TMEM272: variants seen among roughly 807,000 people sequenced by gnomAD.
TMEM272 encodes transmembrane protein 272, also known as long intergenic non-protein coding RNA 282.
TMEM272 carries 8 observed loss-of-function variants against 3.7 expected under a neutral mutation model. The ratio of observed to expected loss-of-function variants is 2.17; its 90% CI spans 1.27 to 3.91. The LOEUF is 3.91. Ranked by LOEUF, TMEM272 falls within the 30% of genes most tolerant of loss-of-function variation. The pLI, the probability that TMEM272 is intolerant of heterozygous loss-of-function variation, is 0.00. For missense variants in TMEM272, 166 were observed against 91.5 expected, an observed-to-expected ratio of 1.81 and a Z score of -3.32; for synonymous variants, 63 against 39.8, an observed-to-expected ratio of 1.58 and a Z score of -2.20.
chr13:51,832,143 C>T (rs1023473990), intron 2 of TMEM272, among the ~76,000 whole-genome samples: 19 of 152,154 alleles, frequency 1.2e-4, no homozygotes, highest in Non-Finnish European at 2.8e-4. Context: ...CCTCACTCCC[C>T]TCTTGCAGTG....
chr13:51,815,265 GC>G lies in TMEM272; in HGVS notation c.*1485del, dbSNP rs1956008793. On this transcript the variant is annotated 3_prime_UTR_variant, in exon 5 of 5. Coordinates refer to ENST00000629372, the MANE Select transcript of TMEM272 (RefSeq NM_001351003.2). ...ACAGAAACTGCCCTTAGGGACAGGG[GC>G]AAAAAAAGGGCTGTTCTTCCTTTGT... 6.6e-6 allele frequency: 1 copy of G among 152,452 alleles called. No homozygotes were observed. Among genetic ancestry groups the G allele is most frequent in the Non-Finnish European group, 1.5e-5 (1 of 68,020 alleles). 9.4% of individuals were successfully genotyped at this position (152,452 alleles called of 1,614,324 possible).
chr13:51,833,307 T>G (rs1292921246), intron 2 of TMEM272, among the ~76,000 whole-genome samples: 2 of 152,176 alleles, frequency 1.3e-5, no homozygotes, highest in African/African-American at 4.8e-5. Flanking sequence ...GTATCTGGAT[T>G]TTATTAGGAA....
chr13:51,919,916 A>G, the TMEM272 span, among the ~76,000 whole-genome samples: 1 of 152,214 alleles, frequency 6.6e-6, no homozygotes, highest in Non-Finnish European at 1.5e-5. Flanking sequence ...TGCCTAGCTC[A>G]TAGTGGATTA....
In TMEM272 at chr13:51,814,891, C is replaced by A. The variant is rs1409818324; in HGVS notation, c.*1860G>T. The A allele has an allele frequency of 6.5e-6, 1 of 152,722 alleles. No individual in the cohort carries two copies. Among genetic ancestry groups the A allele is most frequent in the Non-Finnish European group, 1.5e-5 (1 of 68,124 alleles). 9.5% of individuals were successfully genotyped at this position (152,722 alleles called of 1,614,324 possible). On this transcript the variant is annotated 3_prime_UTR_variant, in exon 5 of 5. Transcript: ENST00000629372. ...AAATCTTCATGCCCATGGTTGTTCA[C>A]AGCTCTTTCCGCCTTTGCCAAGGCC...
the TMEM272 span, among the ~76,000 whole-genome samples, chr13:51,872,981 G>A: frequency 6.6e-6 from 1 of 152,204 alleles, no homozygotes; most frequent in South Asian, 2.1e-4. Flanking sequence ...GGGTAGAGGT[G>A]GCATCAGGAA....
chr13:51,889,849 C>T, the TMEM272 span, among the ~76,000 whole-genome samples: 15 of 152,278 alleles, frequency 9.9e-5, no homozygotes, highest in Middle Eastern at 6.8e-3. Context: ...CCATGTTGGT[C>T]GGGCTCATCT....
At chr13:51,858,450 T>C in the TMEM272 span, among the ~76,000 whole-genome samples, 2 of 152,114 alleles carry the variant, frequency 1.3e-5, no homozygotes, top group East Asian at 1.9e-4. Context: ...AAAAAGATAA[T>C]TGGAAAATCC....
At chr13:51,836,092 T>C (rs1319465626) in intron 2 of TMEM272, among the ~76,000 whole-genome samples, 1 of 152,316 alleles carries the variant, frequency 6.6e-6, no homozygotes, top group East Asian at 1.9e-4. Context: ...CAATCCCCAA[T>C]GCAAACGTGT....
At chr13:51,927,843 C>T in the TMEM272 span, among the ~76,000 whole-genome samples, 5 of 152,156 alleles carry the variant, frequency 3.3e-5, no homozygotes, top group South Asian at 1.0e-3. Context: ...TGCCATGCAC[C>T]GTGCTAGGCA....
At chr13:51,865,753 C>T in the TMEM272 span, 3 of 1,614,078 alleles carry the variant, frequency 1.9e-6, no homozygotes, top group South Asian at 1.1e-5. Flanking sequence ...GGAAAAAGTA[C>T]CGCACTTTCT....
intron 4 of TMEM272, among the ~76,000 whole-genome samples, chr13:51,820,045 T>G (rs1322831239): frequency 6.6e-6 from 1 of 152,192 alleles, no homozygotes. Context: ...AATTACACGG[T>G]CAACTCACCC....
rs1955997152 is a variant in TMEM272, at chr13:51,814,386, A to G, written c.*2365T>C. 1 of 152,224 alleles carries G rather than the reference A, an allele frequency of 6.6e-6. No homozygotes were observed. Among genetic ancestry groups the G allele is most frequent in the Admixed American group, 6.5e-5 (1 of 15,292 alleles). 9.4% of individuals were successfully genotyped at this position (152,224 alleles called of 1,614,324 possible). A position where few individuals can be genotyped will look rare whatever the true frequency, so the allele number is the denominator to read the frequency against. On this transcript the variant is annotated 3_prime_UTR_variant, in exon 5 of 5. Coordinates refer to ENST00000629372, the MANE Select transcript of TMEM272 (RefSeq NM_001351003.2). Reference sequence around the variant, plus strand: ...GCTTGAAGATGTCACCCACTGAACCATTCAGTGTCCCCTCTATGAATGGAT... The same window carrying G: ...GCTTGAAGATGTCACCCACTGAACCGTTCAGTGTCCCCTCTATGAATGGAT...
chr13:51,868,720 C>T, the TMEM272 span, among the ~76,000 whole-genome samples: 1 of 152,208 alleles, frequency 6.6e-6, no homozygotes, highest in East Asian at 1.9e-4. Flanking sequence ...AGTCTCCCTG[C>T]TTTGAGCTCC....
At chr13:51,840,485 G>A (rs774195105) in intron 1 of TMEM272, among the ~76,000 whole-genome samples, 1 of 152,170 alleles carries the variant, frequency 6.6e-6, no homozygotes, top group Admixed American at 6.5e-5. Flanking sequence ...TAACCAGAAC[G>A]GACTTTGACA....
chr13:51,871,229 T>C, the TMEM272 span, among the ~76,000 whole-genome samples: 9 of 150,616 alleles, frequency 6.0e-5, no homozygotes, highest in African/African-American at 2.2e-4. Context: ...CTCGCTCTGT[T>C]GCCCAGGCTG....
At chr13:51,885,934 T>C in the TMEM272 span, among the ~76,000 whole-genome samples, 2 of 152,214 alleles carry the variant, frequency 1.3e-5, no homozygotes, top group Non-Finnish European at 2.9e-5. Flanking sequence ...GAGGGCCATA[T>C]ACAAAGCTTG....
At chr13:51,830,058 C>T (rs865830584) in intron 2 of TMEM272, among the ~76,000 whole-genome samples, 3 of 152,226 alleles carry the variant, frequency 2.0e-5, no homozygotes, top group African/African-American at 4.8e-5. Context: ...AGCCTCCCCA[C>T]ACAGTTTGGT....
At chr13:51,886,460 G>C in the TMEM272 span, among the ~76,000 whole-genome samples, 13 of 152,168 alleles carry the variant, frequency 8.5e-5, no homozygotes, top group African/African-American at 3.1e-4. Flanking sequence ...AGAAAAGTAA[G>C]ACACAGAGCC....
the TMEM272 span, among the ~76,000 whole-genome samples, chr13:51,856,635 G>A: frequency 5.3e-5 from 8 of 152,252 alleles, no homozygotes; most frequent in African/African-American, 1.9e-4. Context: ...TTTTGCAAAG[G>A]TAATTTCAAT....
Sources: allele counts gnomAD v4.1 joint callset (sites outside exome capture counted in the v4.1 genomes callset), GRCh38; gene constraint gnomAD v4.1.1; transcripts MANE v1.5; gene names NCBI Gene and HGNC (gene_info 2026-07-23, HGNC 2026-07-21).